The following KHNYN variants were observed in gnomAD, a reference collection of about 807,000 sequenced individuals.
KHNYN encodes protein KHNYN.
A neutral mutation model predicts 62.7 loss-of-function variants in KHNYN; 42 were observed. The ratio of observed to expected loss-of-function variants is 0.67; its 90% CI spans 0.52 to 0.87. The LOEUF (loss-of-function observed/expected upper bound fraction) is 0.87, where lower values mean the gene tolerates loss of function less well. KHNYN is among the 40% of genes least tolerant of loss of function. The probability of loss-of-function intolerance (pLI) is 0.00; values close to 1 mark genes in which losing one functional copy is unlikely to be tolerated. For missense variants in KHNYN, 829 were observed against 874.1 expected (o/e 0.95, Z 0.65); for synonymous variants, 347 against 345.6 (o/e 1.00, Z -0.04).
In KHNYN at chr14:24,439,852, T is replaced by G; in HGVS notation, c.*2567T>G. 2.0e-6 allele frequency: 1 copy of G among 489,880 alleles called. No individual in the cohort carries two copies. The highest frequency in any genetic ancestry group is 3.6e-6 in the Non-Finnish European group (1 of 276,624). 30.3% of individuals were successfully genotyped at this position (489,880 alleles called of 1,614,324 possible). On this transcript the variant is annotated 3_prime_UTR_variant, in exon 8 of 8. Transcript: ENST00000553935. ...AGAAGTGGGGCAGCTGCAGGACATG[T>G]AGAGAAACCAAACTGGGAAATCTTA... is the stretch of plus-strand genomic sequence containing the variant.
rs1320635268 is a variant in KHNYN at position 24,437,193 on chromosome 14, C to T, written c.1945C>T (p.Gln649Ter). 6.2e-7 allele frequency: 1 copy of T among 1,614,162 alleles called. No homozygotes were observed. The highest frequency in any genetic ancestry group is 2.2e-5 in the East Asian group (1 of 44,886). ...GCAGCTGCTGGAGGTGTTTTGGGGT[C>T]AGGATCACAAAGTGGACTTCATCCT... The part of the protein sequence containing the change: ...RRQLLEVFWG[Q>*]DHKVDFILQR... The change falls in exon 8 of 8, where the codon CAG becomes TAG. Residue 649 changes from glutamine (Q) to a stop codon, truncating the protein, a stop_gained. Coordinates refer to ENST00000553935, the MANE Select transcript of KHNYN (RefSeq NM_015299.3). LOFTEE classifies it high-confidence loss of function. The surrounding 1 kb of genome is among the most constrained non-coding windows in gnomAD (Gnocchi z 5.5).
At position 24,440,658 on chromosome 14, in the gene KHNYN, A is replaced by C; in HGVS notation, c.*3373A>C. Reference sequence around the variant, plus strand: ...TAAGACCTCACACCTTCTCATCTGCAGGTTGGCTAGAAGTGGTGGCATCCT... The same window carrying C: ...TAAGACCTCACACCTTCTCATCTGCCGGTTGGCTAGAAGTGGTGGCATCCT... On this transcript the variant is annotated 3_prime_UTR_variant, in exon 8 of 8. Transcript: ENST00000553935. 7.3e-7 allele frequency: 1 copy of C among 1,376,640 alleles called. No homozygotes were observed. The highest frequency in any genetic ancestry group is 1.0e-6 in the Non-Finnish European group (1 of 990,100). 85.3% of individuals were successfully genotyped at this position (1,376,640 alleles called of 1,614,324 possible).
chr14:24,427,894 C>CAGT, upstream of KHNYN: 3 of 1,614,052 alleles, frequency 1.9e-6, no homozygotes, highest in Non-Finnish European at 2.5e-6. The surrounding 1 kb of genome is among the most constrained non-coding windows in gnomAD (Gnocchi z 4.4). Context: ...GGTCCAAGGG[C>CAGT]AGTAGCACAG....
chr14:24,430,003 G>A lies in KHNYN; in HGVS notation c.-134G>A, dbSNP rs1457529780. ...GAGGTCCCCGCTGGGTGAGGAACCC[G>A]GGAAGGCCCGCCCAGATTCGGGCCC... On this transcript the variant is annotated 5_prime_UTR_variant, in exon 1 of 8. Transcript: ENST00000553935. 2 of 985,868 alleles carry A rather than the reference G, an allele frequency of 2.0e-6. No individual in the cohort carries two copies. The highest frequency in any genetic ancestry group is 4.6e-5 in the South Asian group (1 of 21,566). 61.1% of individuals were successfully genotyped at this position (985,868 alleles called of 1,614,324 possible). A position where few individuals can be genotyped will look rare whatever the true frequency, so the allele number is the denominator to read the frequency against.
chr14:24,441,406 C>G lies in KHNYN; in HGVS notation c.*4121C>G. 2.0e-6 allele frequency: 1 copy of G among 489,216 alleles called. No individual in the cohort carries two copies. The highest frequency in any genetic ancestry group is 3.6e-6 in the Non-Finnish European group (1 of 279,370). 30.3% of individuals were successfully genotyped at this position (489,216 alleles called of 1,614,324 possible). Reference sequence around the variant, plus strand: ...CCCAAAGGTGACCAGGAACTCTGTTCCTAAAGAACTATGGTGTGAGAAGTA... The same window carrying G: ...CCCAAAGGTGACCAGGAACTCTGTTGCTAAAGAACTATGGTGTGAGAAGTA... On this transcript the variant is annotated 3_prime_UTR_variant, in exon 8 of 8. Coordinates refer to ENST00000553935, the MANE Select transcript of KHNYN (RefSeq NM_015299.3).
Position 24,441,343 on chromosome 14 carries a change from T to C in KHNYN, c.*4058T>C. 4.4e-6 allele frequency: 2 copies of C among 454,692 alleles called. No homozygotes were observed. The allele number at this position is 454,692 out of a possible 1,614,324, so 28.2% of individuals were successfully genotyped here. A position where few individuals can be genotyped will look rare whatever the true frequency, so the allele number is the denominator to read the frequency against. ...GATAATAAGCATAAAACACTTCAAATAGTGGCTGGTGTGTATAATTGTTTG... is the reference window on the plus strand; with the variant it reads ...GATAATAAGCATAAAACACTTCAAACAGTGGCTGGTGTGTATAATTGTTTG... On this transcript the variant is annotated 3_prime_UTR_variant, in exon 8 of 8. Transcript: ENST00000553935.
At position 24,431,618 on chromosome 14, in the gene KHNYN, G is replaced by A; in HGVS notation, c.357G>A (p.Leu119=). ...TGGTGCCCAGGGCGCCAGGCTCACT[G>A]ATGATCAGTGGCCTGACTGAAGCCT... ...AHLVPRAPGS[L]MISGLTEAFV... The change falls in exon 3 of 8, where the codon CTG becomes CTA. Residue 119 remains leucine, a synonymous_variant. Transcript: ENST00000553935. 6.2e-7 allele frequency: 1 copy of A among 1,613,632 alleles called. No homozygotes were observed. The highest frequency in any genetic ancestry group is 8.5e-7 in the Non-Finnish European group (1 of 1,179,652).
chr14:24,440,142 T>C lies in KHNYN; in HGVS notation c.*2857T>C. ...TCTGGGAAGGAATACTGGTAGCCAGTGGCCAGTGTTCGCTGTGGGATCACC... is the reference window on the plus strand; with the variant it reads ...TCTGGGAAGGAATACTGGTAGCCAGCGGCCAGTGTTCGCTGTGGGATCACC... On this transcript the variant is annotated 3_prime_UTR_variant, in exon 8 of 8. Coordinates refer to ENST00000553935, the MANE Select transcript of KHNYN (RefSeq NM_015299.3). 6.2e-7 allele frequency: 1 copy of C among 1,613,306 alleles called. No individual in the cohort carries two copies.
At position 24,440,965 on chromosome 14, in the gene KHNYN, G is replaced by C; in HGVS notation, c.*3680G>C. ...ACAATCATTTGCCCTGGGTGTCCTTGGTCCTGCCTGGCTCTCTGTAGTGGA... is the reference window on the plus strand; with the variant it reads ...ACAATCATTTGCCCTGGGTGTCCTTCGTCCTGCCTGGCTCTCTGTAGTGGA... On this transcript the variant is annotated 3_prime_UTR_variant, in exon 8 of 8. Transcript: ENST00000553935. The C allele has an allele frequency of 6.2e-7, 1 of 1,612,780 alleles. No individual in the cohort carries two copies. Among genetic ancestry groups the C allele is most frequent in the South Asian group, 1.1e-5 (1 of 90,902 alleles).
At position 24,440,303 on chromosome 14, in the gene KHNYN, G is replaced by A. The variant is rs1276337119; in HGVS notation, c.*3018G>A. The A allele has an allele frequency of 9.3e-6, 15 of 1,613,842 alleles. No individual in the cohort carries two copies. The highest frequency in any genetic ancestry group is 1.3e-5 in the African/African-American group (1 of 74,938). ...GGCAAACTCAGCATTAGTGGCGGAG[G>A]ATGGAGCCACTCCATTCAGGACCCC... On this transcript the variant is annotated 3_prime_UTR_variant, in exon 8 of 8. Transcript: ENST00000553935.
chr14:24,441,784 G>A lies in KHNYN; in HGVS notation c.*4499G>A. 1.2e-6 allele frequency: 2 copies of A among 1,605,868 alleles called. No individual in the cohort carries two copies. Among genetic ancestry groups the A allele is most frequent in the Non-Finnish European group, 1.7e-6 (2 of 1,177,222 alleles). On this transcript the variant is annotated 3_prime_UTR_variant, in exon 8 of 8. Coordinates refer to ENST00000553935, the MANE Select transcript of KHNYN (RefSeq NM_015299.3). ...GCTGCCGATTACCTCTTTTTGGAAG[G>A]TTTCATTCCATCTGCAGGAGAAACA...
intron 7 of KHNYN, 136 bp from the exon 8 acceptor site, chr14:24,436,900 G>A (rs568771147): frequency 8.6e-7 from 1 of 1,168,002 alleles, no homozygotes; most frequent in Non-Finnish European, 1.2e-6. Flanking sequence ...CTGCCACTCA[G>A]TGGTCAGCTT....
chr14:24,432,524 G>A lies in KHNYN; in HGVS notation c.1263G>A (p.Gln421=), dbSNP rs2043138633. 1 of 1,613,676 alleles carries A rather than the reference G, an allele frequency of 6.2e-7. No individual in the cohort carries two copies. The highest frequency in any genetic ancestry group is 8.5e-7 in the Non-Finnish European group (1 of 1,179,810). ...TGTQRFKEAL[Q]DPFTLCLANV... Reference sequence around the variant, plus strand: ...CACAGCGTTTCAAGGAGGCCCTGCAGGATCCTTTCACCCTGTGCCTTGCCA... The same window carrying A: ...CACAGCGTTTCAAGGAGGCCCTGCAAGATCCTTTCACCCTGTGCCTTGCCA... The change falls in exon 3 of 8, where the codon CAG becomes CAA. Residue 421 remains glutamine, a synonymous_variant. Coordinates refer to ENST00000553935, the MANE Select transcript of KHNYN (RefSeq NM_015299.3). This position sits in a 1 kb window ranked among gnomAD's most constrained non-coding sequence, Gnocchi z 5.6.
At chr14:24,426,359 G>T (rs2043020022), upstream of KHNYN, among the ~76,000 whole-genome samples, 1 of 151,530 alleles carries the variant, frequency 6.6e-6, no homozygotes, top group South Asian at 2.1e-4. Flanking sequence ...GAGGGTTTTT[G>T]GTATTTTTTT....
At chr14:24,428,702 C>T (rs1387621733), upstream of KHNYN, 3 of 1,517,484 alleles carry the variant, frequency 2.0e-6, no homozygotes, top group South Asian at 2.5e-5. Context: ...ACAGTTGCTT[C>T]CAGGTCCTTG....
chr14:24,430,379 C>T (rs977625366), intron 1 of KHNYN: 13 of 1,011,756 alleles, frequency 1.3e-5, no homozygotes, highest in African/African-American at 1.7e-5. Context: ...AGGATTCGTC[C>T]TTAAGAAGCT....
At chr14:24,427,755 G>A, upstream of KHNYN, 2 of 1,605,100 alleles carry the variant, frequency 1.2e-6, no homozygotes, top group South Asian at 1.1e-5. This position sits in a 1 kb window ranked among gnomAD's most constrained non-coding sequence, Gnocchi z 4.4. Flanking sequence ...AAGTTGTCAG[G>A]GGCTGGATTC....
At position 24,438,669 on chromosome 14, in the gene KHNYN, T is replaced by A. The variant is rs534485272; in HGVS notation, c.*1384T>A. The A allele has an allele frequency of 6.6e-6, 1 of 152,120 alleles. No homozygotes were observed. The highest frequency in any genetic ancestry group is 1.5e-5 in the Non-Finnish European group (1 of 67,954). The allele number at this position is 152,120 out of a possible 1,614,324, so 9.4% of individuals were successfully genotyped here. On this transcript the variant is annotated 3_prime_UTR_variant, in exon 8 of 8. Transcript: ENST00000553935. ...CTGTGTAGACGGTATTAATCAGTAC[T>A]CCTTACTTTAGTGCAGCCTAAAGTA... is the stretch of plus-strand genomic sequence containing the variant.
upstream of KHNYN, chr14:24,428,264 TGGG>T: frequency 6.2e-7 from 1 of 1,612,450 alleles, no homozygotes; most frequent in Non-Finnish European, 8.5e-7. Flanking sequence ...GAGCCGGGGA[TGGG>T]GGCCAGTGCT....
Sources: allele counts gnomAD v4.1 joint callset (sites outside exome capture counted in the v4.1 genomes callset), GRCh38; gene constraint gnomAD v4.1.1; non-coding constraint Gnocchi (gnomAD v3.1); transcripts MANE v1.5; gene names NCBI Gene and HGNC (gene_info 2026-07-23, HGNC 2026-07-21).